RUNX2: variants seen among roughly 807,000 people sequenced by gnomAD.
RUNX2 encodes RUNX family transcription factor 2.
Under a neutral mutation model 51.7 loss-of-function variants are expected in RUNX2, and 10 were observed. The ratio of observed to expected loss-of-function variants is 0.19; its 90% confidence interval spans 0.12 to 0.33. RUNX2 has a LOEUF of 0.33. Among genes scored for constraint, RUNX2 ranks in the 10% least tolerant of loss-of-function variants. RUNX2 has a pLI of 1.00. For synonymous variants in RUNX2, 276 were observed against 273.6 expected, an observed-to-expected ratio of 1.01 and a Z score of -0.09; for missense variants, 562 against 691.3, an observed-to-expected ratio of 0.81 and a Z score of 2.10.
intron 7 of RUNX2, among the ~76,000 whole-genome samples, chr6:45,520,248 G>A (rs1350165562): frequency 6.6e-6 from 1 of 152,102 alleles, no homozygotes; most frequent in African/African-American, 2.4e-5. Context: ...CTATTAGAAA[G>A]CATTTCACAC....
intron 5 of RUNX2, among the ~76,000 whole-genome samples, chr6:45,459,163 C>A (rs965778195): frequency 6.6e-5 from 10 of 152,154 alleles, no homozygotes; most frequent in African/African-American, 2.4e-4. Flanking sequence ...ATAAAGAACC[C>A]CAGAGCTTGA....
chr6:45,419,906 C>T (rs1456125550), intron 2 of RUNX2, among the ~76,000 whole-genome samples: 1 of 150,470 alleles, frequency 6.6e-6, no homozygotes, highest in African/African-American at 2.5e-5. Context: ...CAGTGGCAGG[C>T]GGCGGCTGTG....
At chr6:45,518,446 G>A (rs551794168) in intron 7 of RUNX2, among the ~76,000 whole-genome samples, 5 of 152,034 alleles carry the variant, frequency 3.3e-5, no homozygotes, top group East Asian at 1.9e-4. Context: ...CTGGACCTCC[G>A]TTTACTCTAA....
chr6:45,470,221 T>C (rs1799758718), intron 5 of RUNX2, among the ~76,000 whole-genome samples: 1 of 152,212 alleles, frequency 6.6e-6, no homozygotes, highest in South Asian at 2.1e-4. Context: ...AAGTAGGAAG[T>C]ATTTGTCTTT....
chr6:45,477,498 A>G (rs1200726387), intron 5 of RUNX2, among the ~76,000 whole-genome samples: 4 of 152,142 alleles, frequency 2.6e-5, no homozygotes, highest in African/African-American at 9.7e-5. Context: ...CTGCCCAAAC[A>G]TGAACCTCCT....
At chr6:45,445,316 G>A (rs966145812) in intron 5 of RUNX2, among the ~76,000 whole-genome samples, 3 of 152,274 alleles carry the variant, frequency 2.0e-5, no homozygotes, top group East Asian at 1.9e-4. Flanking sequence ...GAGCCACCGC[G>A]CCCGGCCCAG....
intron 5 of RUNX2, among the ~76,000 whole-genome samples, chr6:45,450,368 A>T (rs1316731635): frequency 6.6e-6 from 1 of 152,214 alleles, no homozygotes; most frequent in Non-Finnish European, 1.5e-5. Flanking sequence ...GATGTGTTTT[A>T]AAATGTAAAT....
chr6:45,365,218 T>G (rs1418517380), intron 2 of RUNX2: 1 of 1,609,858 alleles, frequency 6.2e-7, no homozygotes, highest in South Asian at 1.1e-5. Flanking sequence ...TCTGTAATTC[T>G]GTTGCAAAGC....
In RUNX2 at chr6:45,404,754, T is replaced by C. The variant is rs530367183; in HGVS notation, c.59-17839T>C. ...TTAGCCAGAGGAAGAGTCTCAACAT[T>C]GCAGAATCAGAACATCCCATTTTTA... On this transcript the variant is annotated intron_variant, in intron 2 of 8. Coordinates refer to ENST00000647337, the MANE Select transcript of RUNX2 (RefSeq NM_001024630.4). Among the ~76,000 whole-genome samples the C allele has an allele frequency of 7.2e-5, 11 of 152,334 alleles. No homozygotes were observed. The South Asian group carries it at 2.3e-3, about 32-fold the overall frequency.
chr6:45,330,779 C>T (rs573148433), intron 2 of RUNX2, among the ~76,000 whole-genome samples: 2 of 151,808 alleles, frequency 1.3e-5, no homozygotes, highest in South Asian at 4.2e-4. Context: ...CTGCACCTTC[C>T]CTCCCCGCCA....
intron 7 of RUNX2, among the ~76,000 whole-genome samples, chr6:45,528,178 G>A (rs1248645276): frequency 6.6e-6 from 1 of 152,060 alleles, no homozygotes; most frequent in African/African-American, 2.4e-5. Flanking sequence ...CTCCCACCAG[G>A]TCCCTCCCAT....
At chr6:45,438,296 A>G (rs1798747756) in intron 5 of RUNX2, among the ~76,000 whole-genome samples, 1 of 152,182 alleles carries the variant, frequency 6.6e-6, no homozygotes, top group South Asian at 2.1e-4. Context: ...ATGAGTGAAT[A>G]ATTATTCAGT....
At chr6:45,403,474 C>G (rs1797764574) in intron 2 of RUNX2, among the ~76,000 whole-genome samples, 1 of 152,058 alleles carries the variant, frequency 6.6e-6, no homozygotes, top group South Asian at 2.1e-4. Context: ...TTCAGGTGAT[C>G]CGCCCGCCTC....
In RUNX2 at chr6:45,422,990, G is replaced by C. The variant is rs747290417; in HGVS notation, c.423+33G>C. The C allele has an allele frequency of 1.3e-5, 20 of 1,598,702 alleles. No homozygotes were observed. The South Asian group carries it at 2.2e-4, about 18-fold the overall frequency. On this transcript the variant is annotated intron_variant, in intron 3 of 8. Transcript: ENST00000647337. The stretch of plus-strand genomic sequence containing the variant: ...GCTACACCGCCCCCCGCCCCCGGCC[G>C]GGAGCGGCGGAACCTGCCCGCCGGT...
At chr6:45,358,947 G>A (rs930103716) in intron 2 of RUNX2, among the ~76,000 whole-genome samples, 1 of 152,042 alleles carries the variant, frequency 6.6e-6, no homozygotes, top group East Asian at 1.9e-4. Context: ...GCAATTTTAG[G>A]CTGATGGGTC....
intron 1 of RUNX2, 74 bp from the exon 2 acceptor site, chr6:45,328,587 A>G: frequency 6.3e-7 from 1 of 1,583,578 alleles, no homozygotes; most frequent in South Asian, 1.2e-5. Flanking sequence ...ACAGAAAAAA[A>G]TAAATATAAA....
chr6:45,459,204 T>C (rs1486055420), intron 5 of RUNX2, among the ~76,000 whole-genome samples: 2 of 152,256 alleles, frequency 1.3e-5, no homozygotes, highest in Admixed American at 6.5e-5. Flanking sequence ...CACATTCTTA[T>C]GGTCACATAC....
intron 5 of RUNX2, among the ~76,000 whole-genome samples, chr6:45,474,138 T>A (rs140117123): frequency 1.6e-4 from 25 of 152,222 alleles, no homozygotes; most frequent in African/African-American, 5.8e-4. Context: ...TAGTGCAGAT[T>A]TAGTTGGCTT....
rs1024342032 is a variant in RUNX2 at position 45,334,469 on chromosome 6, A to C, written c.58+5685A>C. Among the ~76,000 whole-genome samples, 5 of 141,342 alleles carry C rather than the reference A, an allele frequency of 3.5e-5. No individual in the cohort carries two copies. The East Asian group carries it at 6.1e-4, about 17-fold the overall frequency. 92.7% of individuals were successfully genotyped at this position (141,342 alleles called of 152,430 possible). ...AAAAGCAAAAAAAAAAAAAAAAAAA[A>C]GACAAAGTTAAATGCTAGCCAAATC... is the stretch of plus-strand genomic sequence containing the variant. On this transcript the variant is annotated intron_variant, in intron 2 of 8. Transcript: ENST00000647337.
Sources: allele counts gnomAD v4.1 joint callset (sites outside exome capture counted in the v4.1 genomes callset), GRCh38; gene constraint gnomAD v4.1.1; transcripts MANE v1.5; gene names NCBI Gene and HGNC (gene_info 2026-07-23, HGNC 2026-07-21).